Variants in SOHLH1 observed in about 807,000 individuals in gnomAD.
SOHLH1 encodes spermatogenesis- and oogenesis-specific basic helix-loop-helix-containing protein 1.
In SOHLH1, 23 loss-of-function variants were observed where a neutral mutation model predicts 36.2. The observed-to-expected ratio is 0.64, with a 90% CI of 0.46 to 0.90. The LOEUF (loss-of-function observed/expected upper bound fraction) is 0.90. Among genes scored for constraint, SOHLH1 ranks in the 40% least tolerant of loss-of-function variants. The pLI is 0.00. For missense variants in SOHLH1, 608 were observed against 517.0 expected, an observed-to-expected ratio of 1.18 and a Z score of -1.71; for synonymous variants, 289 against 228.3, an observed-to-expected ratio of 1.27 and a Z score of -2.40.
At chr9:135,694,249 C>A in intron 7 of SOHLH1, 138 bp downstream of exon 7, 1 of 1,519,958 alleles carries the variant, frequency 6.6e-7, no homozygotes. Context: ...AACAGCTAAG[C>A]ACCAACGGTG....
intron 1 of SOHLH1, 78 bp downstream of exon 1, chr9:135,699,325 A>T: frequency 6.5e-7 from 1 of 1,527,282 alleles, no homozygotes; most frequent in Admixed American, 1.9e-5. Flanking sequence ...GGATGGGTGG[A>T]GCCCAGCAAC....
chr9:135,699,023 G>A lies in SOHLH1; in HGVS notation c.169C>T (p.Arg57Trp), dbSNP rs745443609. 9 of 1,611,602 alleles carry A rather than the reference G, an allele frequency of 5.6e-6. No homozygotes were observed. The highest frequency in any genetic ancestry group is 4.5e-5 in the East Asian group (2 of 44,854). The change falls in exon 2 of 8, where the codon CGG becomes TGG. Residue 57 changes from arginine to tryptophan, a missense_variant. Physicochemically the swap from Arg to Trp is moderately radical, Grantham distance 101. Transcript: ENST00000425225. ...CGCTCCCTCTCGCTGATCACGTTCC[G>A]CCGAAGGCAGGAGCTGGGACCCTCG... Reference protein sequence around the residue: ...VAEGPSSCLRRNVISERERRK... With the variant: ...VAEGPSSCLRWNVISERERRK...
At chr9:135,696,861 C>T in intron 4 of SOHLH1, 56 bp from the exon 5 acceptor site, 1 of 1,572,344 alleles carries the variant, frequency 6.4e-7, no homozygotes, top group African/African-American at 1.3e-5. Context: ...CCCTGGAAGG[C>T]TGCCCCCACC....
In SOHLH1 at chr9:135,694,570, C is replaced by T. The variant is rs1834716042; in HGVS notation, c.876-113G>A. 17 of 1,433,750 alleles carry T rather than the reference C, an allele frequency of 1.2e-5. 1 individual carries two copies. In the South Asian group the frequency reaches 2.0e-4, roughly 16 times the overall value. The allele number at this position is 1,433,750 out of a possible 1,614,324, so 88.8% of individuals were successfully genotyped here. ...GCAGCTTCGAATGCAAAGATCTAGG[C>T]ACCACTCCTGACAGGCTCCACCCTG... is the stretch of plus-strand genomic sequence containing the variant. On this transcript the variant is annotated intron_variant, in intron 6 of 7. Coordinates refer to ENST00000425225, the MANE Select transcript of SOHLH1 (RefSeq NM_001101677.2).
upstream of SOHLH1, chr9:135,699,538 C>T (rs2131299335): frequency 4.0e-6 from 6 of 1,497,086 alleles, no homozygotes; most frequent in East Asian, 4.7e-5. Flanking sequence ...CTCACGTGTG[C>T]TCTGCCCACC....
chr9:135,701,977 G>C (rs533809698), upstream of SOHLH1, among the ~76,000 whole-genome samples: 337 of 152,120 alleles, frequency 2.2e-3, no homozygotes, highest in African/African-American at 7.7e-3. Context: ...GACGAACCCC[G>C]TCCTGTTTTT....
At chr9:135,698,738 G>A (rs1457018653) in intron 2 of SOHLH1, among the ~76,000 whole-genome samples, 4 of 152,212 alleles carry the variant, frequency 2.6e-5, no homozygotes, top group African/African-American at 9.6e-5. Flanking sequence ...AGACAGCGAG[G>A]GTCAGAGGCA....
At position 135,695,039 on chromosome 9, in the gene SOHLH1, T is replaced by C. The variant is rs1354351230; in HGVS notation, c.875+11A>G. ...CGCACACACAGGCGTGCACACCACCTGGGCACTCACCCGGCCTCCTGCGCC... is the reference window on the plus strand; with the variant it reads ...CGCACACACAGGCGTGCACACCACCCGGGCACTCACCCGGCCTCCTGCGCC... On this transcript the variant is annotated intron_variant, in intron 6 of 7. Coordinates refer to ENST00000425225, the MANE Select transcript of SOHLH1 (RefSeq NM_001101677.2). The C allele has an allele frequency of 2.5e-6, 4 of 1,585,804 alleles. No individual in the cohort carries two copies. Among genetic ancestry groups the C allele is most frequent in the East Asian group, 2.3e-5 (1 of 43,118 alleles).
At chr9:135,694,903 C>G (rs1288745279) in intron 6 of SOHLH1, 147 bp downstream of exon 6, 2 of 916,482 alleles carry the variant, frequency 2.2e-6, no homozygotes, top group African/African-American at 3.3e-5. Context: ...GTGGCCTTGG[C>G]CTCCCTCCCA....
At chr9:135,698,524 C>G in intron 2 of SOHLH1, 48 bp from the exon 3 acceptor site, 1 of 1,612,304 alleles carries the variant, frequency 6.2e-7, no homozygotes, top group Non-Finnish European at 8.5e-7. Context: ...CTGCCCTCCC[C>G]GAGAAGGGAC....
chr9:135,694,562 G>A, intron 6 of SOHLH1, 105 bp from the exon 7 acceptor site: 1 of 1,475,604 alleles, frequency 6.8e-7, no homozygotes, highest in East Asian at 2.4e-5. Context: ...CGAATGCAAA[G>A]ATCTAGGCAC....
At chr9:135,694,972 C>G in intron 6 of SOHLH1, 78 bp downstream of exon 6, 2 of 1,437,890 alleles carry the variant, frequency 1.4e-6, no homozygotes, top group Non-Finnish European at 1.9e-6. Flanking sequence ...CCAAGCAGGA[C>G]TGGGAGGAGG....
At chr9:135,694,124 T>C in intron 7 of SOHLH1, 1 of 1,430,340 alleles carries the variant, frequency 7.0e-7, no homozygotes, top group South Asian at 1.5e-5. Context: ...TGACACAGGG[T>C]CAAGGGGAAG....
At position 135,694,064 on chromosome 9, in the gene SOHLH1, C is replaced by T. The variant is rs1834694959; in HGVS notation, c.947-250G>A. ...AATGGAATGGACACACGCCATGTCA[C>T]AGGGCCATACACCTTTGCCGGCCAG... is the stretch of plus-strand genomic sequence containing the variant. On this transcript the variant is annotated intron_variant, in intron 7 of 7. Coordinates refer to ENST00000425225, the MANE Select transcript of SOHLH1 (RefSeq NM_001101677.2). The T allele has an allele frequency of 7.7e-6, 11 of 1,426,532 alleles. No homozygotes were observed. The South Asian group carries it at 1.7e-4, about 22-fold the overall frequency. 88.4% of individuals were successfully genotyped at this position (1,426,532 alleles called of 1,614,324 possible).
upstream of SOHLH1, among the ~76,000 whole-genome samples, chr9:135,701,598 A>G (rs1279518984): frequency 3.9e-5 from 6 of 152,098 alleles, no homozygotes; most frequent in South Asian, 2.1e-4. Context: ...CCACCCGTCT[A>G]AAGGTGCTGT....
At chr9:135,697,418 C>T (rs1328271283) in intron 4 of SOHLH1, 88 bp downstream of exon 4, 5 of 1,558,376 alleles carry the variant, frequency 3.2e-6, no homozygotes, top group Non-Finnish European at 4.3e-6. Context: ...CTCCAGGCCA[C>T]ACCCTCCCGA....
At chr9:135,699,368 C>T (rs764661253) in intron 1 of SOHLH1, 35 bp downstream of exon 1, 9 of 1,595,436 alleles carry the variant, frequency 5.6e-6, no homozygotes, top group Non-Finnish European at 7.7e-6. Context: ...AGGCCTTGGG[C>T]CCCCAACCCC....
At position 135,694,016 on chromosome 9, in the gene SOHLH1, G is replaced by A. The variant is rs1019327502; in HGVS notation, c.947-202C>T. On this transcript the variant is annotated intron_variant, in intron 7 of 7. Coordinates refer to ENST00000425225, the MANE Select transcript of SOHLH1 (RefSeq NM_001101677.2). ...CACCTGTTGGACCAGAACCAGGAAC[G>A]GGCTCCCAAACACTAAATCCTAAAT... is the stretch of plus-strand genomic sequence containing the variant. The A allele has an allele frequency of 1.2e-4, 173 of 1,426,950 alleles. 1 individual carries two copies. The Middle Eastern group carries it at 1.5e-3, about 13-fold the overall frequency. The allele number at this position is 1,426,950 out of a possible 1,614,324, so 88.4% of individuals were successfully genotyped here. A position where few individuals can be genotyped will look rare whatever the true frequency, so the allele number is the denominator to read the frequency against.
chr9:135,696,875 C>G, intron 4 of SOHLH1, 70 bp from the exon 5 acceptor site: 1 of 1,531,736 alleles, frequency 6.5e-7, no homozygotes, highest in South Asian at 1.2e-5. Context: ...CCCCACCCAC[C>G]CCAAGAGCAG....
Sources: gnomAD v4.1 joint callset for allele counts (sites outside exome capture counted in the v4.1 genomes callset) on GRCh38, gnomAD v4.1.1 for gene constraint, MANE v1.5 for transcripts, NCBI Gene and HGNC (gene_info 2026-07-23, HGNC 2026-07-21) for gene names.